BACE2: variants seen among roughly 807,000 people sequenced by gnomAD.
The protein encoded by BACE2 is 56 kDa aspartic-like protease.
In BACE2, 17 loss-of-function variants were observed where a neutral mutation model predicts 46.2. That is an observed-to-expected ratio of 0.37 (90% CI 0.25 to 0.55). The LOEUF is 0.55. BACE2 is among the 20% of genes least tolerant of loss of function. The pLI, the probability that BACE2 is intolerant of heterozygous loss-of-function variation, is 0.82. For missense variants in BACE2, 595 were observed against 698.1 expected (o/e 0.85, Z 1.66); for synonymous variants, 277 against 295.9 (o/e 0.94, Z 0.66).
At chr21:41,200,759 C>A (rs1223927297) in intron 1 of BACE2, among the ~76,000 whole-genome samples, 1 of 152,152 alleles carries the variant, frequency 6.6e-6, no homozygotes, top group Non-Finnish European at 1.5e-5. Flanking sequence ...GAGGGACCGC[C>A]ATGTGAAGAA....
chr21:41,216,338 C>T (rs1320885738), intron 1 of BACE2, among the ~76,000 whole-genome samples: 3 of 152,206 alleles, frequency 2.0e-5, no homozygotes, highest in Non-Finnish European at 2.9e-5. Context: ...GGCCATTTCT[C>T]TCAGATCATA....
In BACE2 at chr21:41,207,792, C is replaced by T. The variant is rs530571220; in HGVS notation, c.313-18474C>T. On this transcript the variant is annotated intron_variant, in intron 1 of 8. Coordinates refer to ENST00000330333, the MANE Select transcript of BACE2 (RefSeq NM_012105.5). ...AGTGAGGCTGCTTACGGCTGCTCCC[C>T]TTTCAGTCCATGTTTGGTTTCTGCA... is the stretch of plus-strand genomic sequence containing the variant. Among the ~76,000 whole-genome samples the T allele has an allele frequency of 2.6e-5, 4 of 152,216 alleles. 1 individual carries two copies. In the South Asian group the frequency reaches 8.3e-4, roughly 32 times the overall value.
intron 5 of BACE2, among the ~76,000 whole-genome samples, chr21:41,244,671 C>T (rs141533683): frequency 8.5e-4 from 130 of 152,266 alleles, no homozygotes; most frequent in Non-Finnish European, 1.2e-3. Flanking sequence ...GTGCAGGTCA[C>T]AGTCACAGGG....
chr21:41,269,989 T>C lies in BACE2; in HGVS notation c.1304-5382T>C, dbSNP rs566931742. ...GTATGAAAGTTCCAGTTGTTAAACA[T>C]CCTCACCAACATTTGGTATGGTCAG... On this transcript the variant is annotated intron_variant, in intron 8 of 8. Transcript: ENST00000330333. Among the ~76,000 whole-genome samples the C allele has an allele frequency of 6.6e-5, 10 of 152,350 alleles. No homozygotes were observed. The South Asian group carries it at 1.9e-3, about 28-fold the overall frequency.
chr21:41,211,415 C>T (rs543394742), intron 1 of BACE2, among the ~76,000 whole-genome samples: 117 of 152,324 alleles, frequency 7.7e-4, no homozygotes, highest in Admixed American at 1.4e-3. Context: ...AAATGATTCC[C>T]CCCTCCCTTT....
At chr21:41,230,826 A>G (rs1986949320) in intron 2 of BACE2, among the ~76,000 whole-genome samples, 1 of 152,192 alleles carries the variant, frequency 6.6e-6, no homozygotes, top group African/African-American at 2.4e-5. Context: ...CTATAGAGCA[A>G]AAAAAGAAAA....
chr21:41,203,330 G>A (rs1484124006), intron 1 of BACE2, among the ~76,000 whole-genome samples: 2 of 152,120 alleles, frequency 1.3e-5, no homozygotes, highest in African/African-American at 4.8e-5. Context: ...GAAAAAGGAG[G>A]GGTGGGAGAG....
chr21:41,240,223 G>C (rs1987248219), intron 3 of BACE2, among the ~76,000 whole-genome samples: 1 of 152,128 alleles, frequency 6.6e-6, no homozygotes, highest in Admixed American at 6.5e-5. Context: ...CAGGTTGTGT[G>C]GTGGCCCCTG....
At chr21:41,239,268 T>C (rs1465793079) in intron 3 of BACE2, among the ~76,000 whole-genome samples, 2 of 152,206 alleles carry the variant, frequency 1.3e-5, no homozygotes, top group Non-Finnish European at 2.9e-5. Context: ...GAGAGCCTAT[T>C]AGGCCCTAGG....
chr21:41,275,595 T>A lies in BACE2; in HGVS notation c.1528T>A (p.Ser510Thr). Reference sequence around the variant, plus strand: ...TGACCCTGAGGTCGTCAATGATGAGTCCTCTCTGGTCAGACATCGCTGGAA... The same window carrying A: ...TGACCCTGAGGTCGTCAATGATGAGACCTCTCTGGTCAGACATCGCTGGAA... ...PRDPEVVNDE[S>T]SLVRHRWK The change falls in exon 9 of 9, where the codon TCC becomes ACC. Residue 510 changes from serine to threonine, a missense_variant. This residue lies in a region of BACE2 where 343 missense variants were observed against 419.4 expected (regional missense o/e 0.82). Coordinates refer to ENST00000330333, the MANE Select transcript of BACE2 (RefSeq NM_012105.5). 6.2e-7 allele frequency: 1 copy of A among 1,613,580 alleles called. No homozygotes were observed. The highest frequency in any genetic ancestry group is 8.5e-7 in the Non-Finnish European group (1 of 1,179,908).
intron 1 of BACE2, among the ~76,000 whole-genome samples, chr21:41,221,574 C>T (rs1986648317): frequency 6.6e-6 from 1 of 152,250 alleles, no homozygotes; most frequent in African/African-American, 2.4e-5. Context: ...GCCTGTAATC[C>T]CAGCACTTTG....
intron 1 of BACE2, among the ~76,000 whole-genome samples, chr21:41,214,363 C>T (rs1986390741): frequency 6.6e-6 from 1 of 152,182 alleles, no homozygotes; most frequent in Non-Finnish European, 1.5e-5. Context: ...ATGTCTAGTT[C>T]CTACCCATCC....
chr21:41,266,378 G>A (rs896544974), intron 8 of BACE2, among the ~76,000 whole-genome samples: 4 of 152,130 alleles, frequency 2.6e-5, no homozygotes, highest in African/African-American at 9.7e-5. Flanking sequence ...GCAATTTTTT[G>A]TTGTGAGCTT....
At chr21:41,233,480 C>A (rs925714495) in intron 2 of BACE2, among the ~76,000 whole-genome samples, 8 of 152,206 alleles carry the variant, frequency 5.3e-5, no homozygotes, top group African/African-American at 1.9e-4. Flanking sequence ...ATCCAGAGTG[C>A]TCCCTCTGTA....
chr21:41,189,168 T>G (rs1191511878), intron 1 of BACE2, among the ~76,000 whole-genome samples: 1 of 151,642 alleles, frequency 6.6e-6, no homozygotes, highest in Non-Finnish European at 1.5e-5. Flanking sequence ...GGAAATTTCT[T>G]GTTGATGTGT....
At chr21:41,251,033 C>T in intron 7 of BACE2, 132 bp downstream of exon 7, 1 of 951,160 alleles carries the variant, frequency 1.1e-6, no homozygotes, top group Admixed American at 2.3e-5. Context: ...AAGACAGCCA[C>T]ACATATTACT....
intron 8 of BACE2, among the ~76,000 whole-genome samples, chr21:41,261,469 A>G (rs1987933138): frequency 6.6e-6 from 1 of 152,122 alleles, no homozygotes; most frequent in Non-Finnish European, 1.5e-5. Flanking sequence ...GATAGACATG[A>G]GTTCCTTATA....
intron 1 of BACE2, among the ~76,000 whole-genome samples, chr21:41,224,104 G>C (rs1329962853): frequency 6.6e-6 from 1 of 152,106 alleles, no homozygotes; most frequent in Non-Finnish European, 1.5e-5. Context: ...CCTGCTGATG[G>C]GTCAGCTCAG....
Position 41,278,161 on chromosome 21 carries a change from G to A in BACE2, c.*2537G>A, listed in dbSNP as rs1032736250. The A allele has an allele frequency of 3.3e-5, 5 of 152,226 alleles. No individual in the cohort carries two copies. Among genetic ancestry groups the A allele is most frequent in the Non-Finnish European group, 7.3e-5 (5 of 68,046 alleles). The allele number at this position is 152,226 out of a possible 1,614,324, so 9.4% of individuals were successfully genotyped here. A position where few individuals can be genotyped will look rare whatever the true frequency, so the allele number is the denominator to read the frequency against. On this transcript the variant is annotated 3_prime_UTR_variant, in exon 9 of 9. Coordinates refer to ENST00000330333, the MANE Select transcript of BACE2 (RefSeq NM_012105.5). Reference sequence around the variant, plus strand: ...TGGAAAATTCTGGAAGACGGTCCTTGCCTGAAAAGGTGCAACTTAGCATTA... The same window carrying A: ...TGGAAAATTCTGGAAGACGGTCCTTACCTGAAAAGGTGCAACTTAGCATTA...
Sources: gnomAD v4.1 joint callset for allele counts (sites outside exome capture counted in the v4.1 genomes callset) on GRCh38, gnomAD v4.1.1 for gene constraint, gnomAD v4.1.1 regional missense constraint, MANE v1.5 for transcripts, NCBI Gene and HGNC (gene_info 2026-07-23, HGNC 2026-07-21) for gene names.